EVI5: variants seen among roughly 807,000 people sequenced by gnomAD.
EVI5 encodes ecotropic viral integration site 5.
Under a neutral mutation model 112.0 loss-of-function variants are expected in EVI5, and 73 were observed. The observed-to-expected ratio is 0.65, with a 90% CI of 0.54 to 0.79. The LOEUF (loss-of-function observed/expected upper bound fraction) is 0.79, where lower values mean the gene tolerates loss of function less well. Among genes scored for constraint, EVI5 ranks in the 30% least tolerant of loss-of-function variants. The pLI is 0.00. For synonymous variants in EVI5, 305 were observed against 319.9 expected (o/e 0.95, Z 0.50); for missense variants, 900 against 968.8 (o/e 0.93, Z 0.94).
At chr1:92,580,605 G>C (rs2101080809) in intron 18 of EVI5, 1 of 195,044 alleles carries the variant, frequency 5.1e-6, no homozygotes, top group East Asian at 1.6e-4. Flanking sequence ...CTGAGAGGGA[G>C]GTGCCAAAAC....
chr1:92,692,913 T>A (rs1207663509), intron 9 of EVI5, among the ~76,000 whole-genome samples: 1 of 152,178 alleles, frequency 6.6e-6, no homozygotes, highest in East Asian at 1.9e-4. Context: ...GGCTAAGAAT[T>A]AAGTACTGGA....
At chr1:92,519,490 T>C (rs1332944528) in intron 19 of EVI5, among the ~76,000 whole-genome samples, 1 of 152,196 alleles carries the variant, frequency 6.6e-6, no homozygotes, top group African/African-American at 2.4e-5. Flanking sequence ...GGCAATCCTT[T>C]GGGCAAATGT....
intron 13 of EVI5, among the ~76,000 whole-genome samples, chr1:92,641,734 C>T (rs1415864013): frequency 1.3e-5 from 2 of 152,068 alleles, no homozygotes; most frequent in Non-Finnish European, 2.9e-5. Flanking sequence ...GCATATGACC[C>T]CAAAAGGATG....
chr1:92,647,261 C>T lies in EVI5; in HGVS notation c.1393-10925G>A, dbSNP rs542391232. The T allele has an allele frequency of 1.7e-4, 31 of 180,188 alleles. No homozygotes were observed. The South Asian group carries it at 4.0e-3, about 23-fold the overall frequency. The allele number at this position is 180,188 out of a possible 1,614,324, so 11.2% of individuals were successfully genotyped here. ...TCACTGACATTTAAGTTATCCCACA[C>T]CTCACACAGCTTTTTTGCTACATCT... On this transcript the variant is annotated intron_variant, in intron 13 of 19. Transcript: ENST00000684568.
intron 1 of EVI5, among the ~76,000 whole-genome samples, chr1:92,759,148 AG>A (rs1489070233): frequency 1.3e-5 from 2 of 152,112 alleles, no homozygotes; most frequent in African/African-American, 4.8e-5. Context: ...GCTTGAGCTC[AG>A]GGGGCAGAGG....
At chr1:92,631,010 C>T (rs1457479030) in intron 14 of EVI5, among the ~76,000 whole-genome samples, 4 of 151,804 alleles carry the variant, frequency 2.6e-5, no homozygotes, top group Admixed American at 1.3e-4. Flanking sequence ...AGGGCTGTTC[C>T]ATTGGTCTGT....
chr1:92,747,912 T>C (rs576337557), intron 1 of EVI5, among the ~76,000 whole-genome samples: 1 of 152,122 alleles, frequency 6.6e-6, no homozygotes, highest in African/African-American at 2.4e-5. Flanking sequence ...TTGCAGCACT[T>C]CAAGCACTTG....
At chr1:92,640,142 C>T (rs922261944) in intron 13 of EVI5, among the ~76,000 whole-genome samples, 1 of 152,280 alleles carries the variant, frequency 6.6e-6, no homozygotes, top group East Asian at 1.9e-4. Flanking sequence ...AAATGTAAAA[C>T]CCCAAACCAT....
At chr1:92,750,573 T>G (rs900515797) in intron 1 of EVI5, among the ~76,000 whole-genome samples, 6 of 152,102 alleles carry the variant, frequency 3.9e-5, no homozygotes, top group African/African-American at 1.4e-4. Flanking sequence ...TGAACAAAAT[T>G]TTGCAAATAA....
At position 92,607,692 on chromosome 1, in the gene EVI5, T is replaced by C. The variant is rs1650746845; in HGVS notation, c.1863A>G (p.Glu621=). 4 of 1,604,758 alleles carry C rather than the reference T, an allele frequency of 2.5e-6. No homozygotes were observed. Among genetic ancestry groups the C allele is most frequent in the Non-Finnish European group, 3.4e-6 (4 of 1,175,648 alleles). ...TCTCCTGTAGGCTAATCACCTCTTG[T>C]TCTGCTCTTCGAAGATGGTTACTAT... The part of the protein sequence containing the change: ...QINSNHLRRA[E]QEVISLQEKV... The change falls in exon 17 of 20, where the codon GAA becomes GAG. Residue 621 remains glutamate (E), a synonymous_variant. Transcript: ENST00000684568.
intron 19 of EVI5, among the ~76,000 whole-genome samples, chr1:92,539,754 G>C (rs1288022206): frequency 6.6e-6 from 1 of 152,068 alleles, no homozygotes; most frequent in East Asian, 1.9e-4. Flanking sequence ...TGTACAATTT[G>C]ATGGCTTTTA....
At chr1:92,777,268 A>G (rs1025863800) in intron 1 of EVI5, among the ~76,000 whole-genome samples, 2 of 152,170 alleles carry the variant, frequency 1.3e-5, no homozygotes, top group Non-Finnish European at 1.5e-5. Context: ...AAATTTTATT[A>G]TATATTACAA....
chr1:92,631,244 G>C (rs1343731324), intron 14 of EVI5, among the ~76,000 whole-genome samples: 1 of 152,036 alleles, frequency 6.6e-6, no homozygotes, highest in African/African-American at 2.4e-5. Flanking sequence ...GATGGGGATG[G>C]CATTGAATCT....
At chr1:92,612,725 G>GA (rs1553204448) in intron 16 of EVI5, among the ~76,000 whole-genome samples, 1 of 68,694 alleles carries the variant, frequency 1.5e-5, no homozygotes, top group Non-Finnish European at 2.6e-5. Flanking sequence ...AAAAAAAAAA[G>GA]GAAAAAAAAA....
intron 19 of EVI5, among the ~76,000 whole-genome samples, chr1:92,525,267 CT>C (rs745392747): frequency 9.3e-4 from 97 of 104,372 alleles, no homozygotes; most frequent in South Asian, 5.1e-3. Flanking sequence ...ATGACAATGC[CT>C]TTTTTTTTTT....
At position 92,551,040 on chromosome 1, in the gene EVI5, C is replaced by CTTTTTTTTTTTTTTTTTTTT. The variant is rs55898086; in HGVS notation, c.2166+12582_2166+12601dup. On this transcript the variant is annotated intron_variant, in intron 19 of 19. Coordinates refer to ENST00000684568, the MANE Select transcript of EVI5 (RefSeq NM_001350197.2). Reference sequence around the variant, plus strand: ...TCTTTTTTCTTTTCTTTCTTTCTTTCTTTTTTTTTTTTTTTTTTTTGAGAC... The same window carrying CTTTTTTTTTTTTTTTTTTTT: ...TCTTTTTTCTTTTCTTTCTTTCTTTCTTTTTTTTTTTTTTTTTTTTTTTTTTTTTTTTTTTTTTTTGAGAC... Among the ~76,000 whole-genome samples the CTTTTTTTTTTTTTTTTTTTT allele has an allele frequency of 1.8e-3, 147 of 80,714 alleles. 1 individual carries two copies. Among genetic ancestry groups the CTTTTTTTTTTTTTTTTTTTT allele is most frequent in the East Asian group, 2.3e-3 (5 of 2,164 alleles). The allele number at this position is 80,714 out of a possible 152,430, so 53.0% of individuals were successfully genotyped here.
At chr1:92,752,177 G>A (rs1434510122) in intron 1 of EVI5, among the ~76,000 whole-genome samples, 1 of 151,736 alleles carries the variant, frequency 6.6e-6, no homozygotes, top group Non-Finnish European at 1.5e-5. Context: ...CCCCTTAGTT[G>A]TGAAAATTCA....
intron 18 of EVI5, chr1:92,580,592 CT>C: frequency 5.1e-6 from 1 of 194,478 alleles, no homozygotes; most frequent in Non-Finnish European, 1.2e-5. Flanking sequence ...TTAGGTTTTT[CT>C]TCTGAGAGGG....
At chr1:92,638,126 T>C (rs1659254750) in intron 13 of EVI5, among the ~76,000 whole-genome samples, 1 of 152,144 alleles carries the variant, frequency 6.6e-6, no homozygotes, top group South Asian at 2.1e-4. Flanking sequence ...ACAGGTTTGT[T>C]TGCAAAGACT....
Sources: gnomAD v4.1 joint callset for allele counts (sites outside exome capture counted in the v4.1 genomes callset) on GRCh38, gnomAD v4.1.1 for gene constraint, MANE v1.5 for transcripts, NCBI Gene and HGNC (gene_info 2026-07-23, HGNC 2026-07-21) for gene names.